ZNF467: variants seen among roughly 807,000 people sequenced by gnomAD.
ZNF467 encodes zinc finger protein EZI.
Under a neutral mutation model 47.8 loss-of-function variants are expected in ZNF467, and 51 were observed. The observed-to-expected ratio is 1.07, with a 90% CI of 0.85 to 1.35. The LOEUF is 1.35. ZNF467 is among the 40% of genes most tolerant of loss of function. The pLI, the probability that ZNF467 is intolerant of heterozygous loss-of-function variation, is 0.00. For missense variants in ZNF467, 992 were observed against 858.1 expected (o/e 1.16, Z -1.95); for synonymous variants, 416 against 372.9 (o/e 1.12, Z -1.33).
In ZNF467 at chr7:149,771,059, G is replaced by GA; in HGVS notation, c.-28dup. The GA allele has an allele frequency of 6.2e-7, 1 of 1,613,908 alleles. No individual in the cohort carries two copies. Among genetic ancestry groups the GA allele is most frequent in the East Asian group, 2.2e-5 (1 of 44,882 alleles). ...GTAACCCAGAGTAGCTCCTCCTGGG[G>GA]ATCAGGCCACAGAACCTATGGAGAA... On this transcript the variant is annotated 5_prime_UTR_variant, in exon 2 of 5. Coordinates refer to ENST00000302017, the MANE Select transcript of ZNF467 (RefSeq NM_207336.3).
Position 149,765,326 on chromosome 7 carries a change from GC to G in ZNF467, c.1175del (p.Gly392AlafsTer139), listed in dbSNP as rs1563076777. ...TGGCGGCGGGGGCATCCACGGTGGC[GC>G]CCAGTGCGCACTCATCGCACCCAAA... ...RPFGCDECAL[G>X]ATVDAPAAKP... On this transcript the variant is annotated frameshift_variant, in exon 5 of 5. Transcript: ENST00000302017. LOFTEE classifies it high-confidence loss of function. 3 of 1,490,480 alleles carry G rather than the reference GC, an allele frequency of 2.0e-6. No homozygotes were observed. The highest frequency in any genetic ancestry group is 1.4e-5 in the African/African-American group (1 of 71,790). The allele number at this position is 1,490,480 out of a possible 1,614,324, so 92.3% of individuals were successfully genotyped here. A position where few individuals can be genotyped will look rare whatever the true frequency, so the allele number is the denominator to read the frequency against.
In ZNF467 at chr7:149,765,726, AG is replaced by A; in HGVS notation, c.775del (p.Leu259TrpfsTer29). 1 of 1,613,622 alleles carries A rather than the reference AG, an allele frequency of 6.2e-7. No homozygotes were observed. Among genetic ancestry groups the A allele is most frequent in the Admixed American group, 1.7e-5 (1 of 60,012 alleles). ...GGTGTGGGTCTTTTGGTGCGAGCCC[AG>A]GTGGATCTTCTGGCTGAAGCGCTTG... The part of the protein sequence containing the change: ...CGKRFSQKIH[L>X]GSHQKTHTGE... On this transcript the variant is annotated frameshift_variant, in exon 5 of 5. Coordinates refer to ENST00000302017, the MANE Select transcript of ZNF467 (RefSeq NM_207336.3). LOFTEE classifies it high-confidence loss of function.
At position 149,765,021 on chromosome 7, in the gene ZNF467, C is replaced by T; in HGVS notation, c.1481G>A (p.Arg494His). The change falls in exon 5 of 5, where the codon CGC becomes CAC. Residue 494 changes from arginine to histidine, a missense_variant. Arg to His is a conservative substitution (Grantham distance 29, BLOSUM62 0). Transcript: ENST00000302017. ...ARPFACAQCG[R>H]RFSRKSHLGR... Reference sequence around the variant, plus strand: ...CAGGTGCGACTTGCGGCTGAAGCGGCGGCCGCACTGAGCGCAGGCGAAAGG... The same window carrying T: ...CAGGTGCGACTTGCGGCTGAAGCGGTGGCCGCACTGAGCGCAGGCGAAAGG... 2.5e-6 allele frequency: 4 copies of T among 1,571,764 alleles called. No individual in the cohort carries two copies. Among genetic ancestry groups the T allele is most frequent in the Non-Finnish European group, 3.4e-6 (4 of 1,164,622 alleles).
chr7:149,764,869 A>C lies in ZNF467; in HGVS notation c.1633T>G (p.Cys545Gly). 6.4e-7 allele frequency: 1 copy of C among 1,556,490 alleles called. No individual in the cohort carries two copies. The highest frequency in any genetic ancestry group is 1.4e-5 in the African/African-American group (1 of 72,870). The change falls in exon 5 of 5, where the codon TGC becomes GGC. Residue 545 changes from cysteine (C) to glycine (G), a missense_variant. Transcript: ENST00000302017. ...CTGAAGCTCTTTCCGCACTGCGGGC[A>C]GGAGAAGGGGCGGGAGCCTGTGTGG... ...AIHTGSRPFS[C>G]PQCGKSFSRK...
In ZNF467 at chr7:149,770,462, C is replaced by A. The variant is rs746656623; in HGVS notation, c.129G>T (p.Glu43Asp). ...AQEQMSSSREERALGVCSGHE... is the reference protein window; with the variant it reads ...AQEQMSSSREDRALGVCSGHE... ...TACCTGAGCACACCCCCAGTGCTCT[C>A]TCTTCCCTAGAAGAGGACATCTGCT... Residue 43 changes from glutamate (E) to aspartate (D), a missense_variant, in exon 3 of 5, where the codon GAG (glutamate) becomes GAT (aspartate). By Grantham distance (45) the Glu-to-Asp change is conservative. Transcript: ENST00000302017. 1 of 1,613,238 alleles carries A rather than the reference C, an allele frequency of 6.2e-7. No homozygotes were observed. Among genetic ancestry groups the A allele is most frequent in the East Asian group, 2.2e-5 (1 of 44,834 alleles).
chr7:149,764,591 C>T lies in ZNF467; in HGVS notation c.*123G>A. On this transcript the variant is annotated 3_prime_UTR_variant, in exon 5 of 5. Transcript: ENST00000302017. ...GGACGCAGACACTGCGGGAAGGAAA[C>T]AGGTGTCCCGCGGCGGCCAAACCTT... The T allele has an allele frequency of 2.0e-6, 3 of 1,510,632 alleles. No individual in the cohort carries two copies. Among genetic ancestry groups the T allele is most frequent in the Non-Finnish European group, 2.7e-6 (3 of 1,114,026 alleles). 93.6% of individuals were successfully genotyped at this position (1,510,632 alleles called of 1,614,324 possible).
Position 149,765,053 on chromosome 7 carries a change from G to T in ZNF467, c.1449C>A (p.Gly483=), listed in dbSNP as rs1251377411. ...NLVAHSRAHS[G]ARPFACAQCG... Reference sequence around the variant, plus strand: ...ACTGAGCGCAGGCGAAAGGCCTGGCGCCGCTGTGGGCCCTGGAGTGGGCGA... The same window carrying T: ...ACTGAGCGCAGGCGAAAGGCCTGGCTCCGCTGTGGGCCCTGGAGTGGGCGA... Residue 483 remains glycine, a synonymous_variant, in exon 5 of 5, where the codon GGC becomes GGA. Coordinates refer to ENST00000302017, the MANE Select transcript of ZNF467 (RefSeq NM_207336.3). 1.3e-6 allele frequency: 2 copies of T among 1,501,296 alleles called. No homozygotes were observed. The highest frequency in any genetic ancestry group is 1.2e-5 in the South Asian group (1 of 80,540). 93.0% of individuals were successfully genotyped at this position (1,501,296 alleles called of 1,614,324 possible). A position where few individuals can be genotyped will look rare whatever the true frequency, so the allele number is the denominator to read the frequency against.
At position 149,766,163 on chromosome 7, in the gene ZNF467, C is replaced by A. The variant is rs751281385; in HGVS notation, c.339G>T (p.Gln113His). The A allele has an allele frequency of 6.3e-6, 10 of 1,577,366 alleles. No homozygotes were observed. The Admixed American group carries it at 1.6e-4, about 26-fold the overall frequency. Residue 113 changes from glutamine (Q) to histidine (H), a missense_variant, in exon 5 of 5, where the codon CAG becomes CAT. By Grantham distance (24) the Gln-to-His change is conservative. Transcript: ENST00000302017. The part of the protein sequence containing the change: ...QEAEEEVEWP[Q>H]HLSLLPSPFP... ...AGGGGCTGGGAAGTAACGATAGATG[C>A]TGGGGCCATTCGACCTCCTCTTCTG...
rs1236636371 is a variant in ZNF467, at chr7:149,765,054, C to G, written c.1448G>C (p.Gly483Ala). 5 of 1,501,412 alleles carry G rather than the reference C, an allele frequency of 3.3e-6. No individual in the cohort carries two copies. Among genetic ancestry groups the G allele is most frequent in the Non-Finnish European group, 4.4e-6 (5 of 1,131,560 alleles). 93.0% of individuals were successfully genotyped at this position (1,501,412 alleles called of 1,614,324 possible). The change falls in exon 5 of 5, where the codon GGC becomes GCC. Residue 483 changes from glycine (G) to alanine (A), a missense_variant. Coordinates refer to ENST00000302017, the MANE Select transcript of ZNF467 (RefSeq NM_207336.3). Reference sequence around the variant, plus strand: ...CTGAGCGCAGGCGAAAGGCCTGGCGCCGCTGTGGGCCCTGGAGTGGGCGAC... The same window carrying G: ...CTGAGCGCAGGCGAAAGGCCTGGCGGCGCTGTGGGCCCTGGAGTGGGCGAC... The part of the protein sequence containing the change: ...NLVAHSRAHS[G>A]ARPFACAQCG...
At chr7:149,773,758 C>G (rs1188896218), upstream of ZNF467, among the ~76,000 whole-genome samples, 1 of 151,270 alleles carries the variant, frequency 6.6e-6, no homozygotes, top group East Asian at 2.0e-4. Flanking sequence ...TGTGCAGCGC[C>G]GCGCTCCCGC....
At chr7:149,775,563 A>G (rs1031675552), upstream of ZNF467, among the ~76,000 whole-genome samples, 3 of 152,184 alleles carry the variant, frequency 2.0e-5, no homozygotes, top group Admixed American at 1.3e-4. Context: ...TACAATTTCA[A>G]AGAATTACTG....
rs1312803233 is a variant in ZNF467, at chr7:149,765,168, T to G, written c.1334A>C (p.His445Pro). 2.0e-6 allele frequency: 3 copies of G among 1,501,806 alleles called. No individual in the cohort carries two copies. The highest frequency in any genetic ancestry group is 2.7e-6 in the Non-Finnish European group (3 of 1,129,892). The allele number at this position is 1,501,806 out of a possible 1,614,324, so 93.0% of individuals were successfully genotyped here. A position where few individuals can be genotyped will look rare whatever the true frequency, so the allele number is the denominator to read the frequency against. ...GTGCACGCGCGGGTGCCGCGCCAGG[T>G]GCTGCCCATGGGAGAAGCCGCGCCC... ...DCGRGFSHGQHLARHPRVHTG... is the reference protein window; with the variant it reads ...DCGRGFSHGQPLARHPRVHTG... Residue 445 changes from histidine (H) to proline (P), a missense_variant, in exon 5 of 5, where the codon CAC becomes CCC. Physicochemically the swap from His to Pro is moderately conservative, Grantham distance 77. Coordinates refer to ENST00000302017, the MANE Select transcript of ZNF467 (RefSeq NM_207336.3).
At position 149,765,713 on chromosome 7, in the gene ZNF467, T is replaced by C. The variant is rs759560170; in HGVS notation, c.789A>G (p.Gln263=). 9.9e-6 allele frequency: 16 copies of C among 1,612,408 alleles called. No individual in the cohort carries two copies. Among genetic ancestry groups the C allele is most frequent in the Non-Finnish European group, 1.3e-5 (15 of 1,179,458 alleles). ...FSQKIHLGSH[Q]KTHTGERPFP... is the part of the protein sequence containing the mutation. ...AGGGCCGCTCGCCGGTGTGGGTCTTTTGGTGCGAGCCCAGGTGGATCTTCT... is the reference window on the plus strand; with the variant it reads ...AGGGCCGCTCGCCGGTGTGGGTCTTCTGGTGCGAGCCCAGGTGGATCTTCT... Residue 263 remains glutamine (Q), a synonymous_variant, in exon 5 of 5, where the codon CAA becomes CAG. Transcript: ENST00000302017.
chr7:149,773,861 C>G (rs1799505136), upstream of ZNF467, among the ~76,000 whole-genome samples: 1 of 152,150 alleles, frequency 6.6e-6, no homozygotes, highest in Non-Finnish European at 1.5e-5. Context: ...ACCCGCAGCC[C>G]CTCGCCTGGA....
Position 149,764,675 on chromosome 7 carries a change from G to A in ZNF467, c.*39C>T, listed in dbSNP as rs757259688. The A allele has an allele frequency of 1.6e-5, 25 of 1,571,644 alleles. No individual in the cohort carries two copies. The African/African-American group carries it at 2.4e-4, about 15-fold the overall frequency. ...GGCGGTCTCATGGCACGGGCCTCTCGAAACTGTGGGCAAGAAAGGGTCCTC... is the reference window on the plus strand; with the variant it reads ...GGCGGTCTCATGGCACGGGCCTCTCAAAACTGTGGGCAAGAAAGGGTCCTC... On this transcript the variant is annotated 3_prime_UTR_variant, in exon 5 of 5. Coordinates refer to ENST00000302017, the MANE Select transcript of ZNF467 (RefSeq NM_207336.3).
Position 149,764,925 on chromosome 7 carries a change from G to C in ZNF467, c.1577C>G (p.Ser526Cys), listed in dbSNP as rs202155542. The change falls in exon 5 of 5, where the codon TCC becomes TGC. Residue 526 changes from serine (S) to cysteine (C), a missense_variant. Transcript: ENST00000302017. ...ACAVCARSFS[S>C]KTNLVRHQAI... is the part of the protein sequence containing the mutation. ...CTGGTGGCGGACTAGGTTGGTTTTG[G>C]AGCTGAAGCTGCGGGCGCAGACGGC... 172 of 1,573,168 alleles carry C rather than the reference G, an allele frequency of 1.1e-4. 1 individual carries two copies. The highest frequency in any genetic ancestry group is 1.9e-4 in the Admixed American group (10 of 53,500).
chr7:149,774,552 T>A (rs1275843500), upstream of ZNF467, among the ~76,000 whole-genome samples: 1 of 152,126 alleles, frequency 6.6e-6, no homozygotes, highest in Non-Finnish European at 1.5e-5. The surrounding 1 kb of genome is among the most constrained non-coding windows in gnomAD (Gnocchi z 5.7). Flanking sequence ...ACCACAAGGA[T>A]GAGTGCCTGG....
upstream of ZNF467, among the ~76,000 whole-genome samples, chr7:149,773,758 C>T (rs1188896218): frequency 2.6e-5 from 4 of 151,270 alleles, no homozygotes; most frequent in African/African-American, 9.7e-5. Flanking sequence ...TGTGCAGCGC[C>T]GCGCTCCCGC....
At chr7:149,775,708 TACACACACACACACACACACACAC>T (rs3085320), upstream of ZNF467, among the ~76,000 whole-genome samples, 22 of 138,896 alleles carry the variant, frequency 1.6e-4, no homozygotes, top group African/African-American at 5.3e-4. Context: ...AGTGTGAAAA[TACACACACACACACACACACACAC>T]ACACACACAC....
Sources: allele counts gnomAD v4.1 joint callset (sites outside exome capture counted in the v4.1 genomes callset), GRCh38; gene constraint gnomAD v4.1.1; non-coding constraint Gnocchi (gnomAD v3.1); transcripts MANE v1.5; gene names NCBI Gene and HGNC (gene_info 2026-07-23, HGNC 2026-07-21).